The following MGAT4C variants were observed in gnomAD, a reference collection of about 807,000 sequenced individuals.
MGAT4C encodes alpha-1,3-mannosyl-glycoprotein 4-beta-N-acetylglucosaminyltransferase C.
A neutral mutation model predicts 40.1 loss-of-function variants in MGAT4C; 19 were observed. The observed-to-expected ratio is 0.47, with a 90% confidence interval of 0.33 to 0.70. The LOEUF (loss-of-function observed/expected upper bound fraction) is 0.70, where lower values mean the gene tolerates loss of function less well. Ranked by LOEUF, MGAT4C falls within the 30% of genes least tolerant of loss-of-function variation. The pLI is 0.02. For synonymous variants in MGAT4C, 181 were observed against 187.1 expected (o/e 0.97, Z 0.27); for missense variants, 491 against 563.2 (o/e 0.87, Z 1.30).
intron 2 of MGAT4C, among the ~76,000 whole-genome samples, chr12:86,711,579 G>A (rs1950557155): frequency 6.6e-6 from 1 of 151,926 alleles, no homozygotes; most frequent in South Asian, 2.1e-4. Flanking sequence ...TTTCTTTTAA[G>A]TAGTACAACT....
intron 1 of MGAT4C, among the ~76,000 whole-genome samples, chr12:86,731,404 A>G (rs969059530): frequency 6.6e-6 from 1 of 152,094 alleles, no homozygotes; most frequent in Non-Finnish European, 1.5e-5. Context: ...ATGTTAATCC[A>G]TATTTAAGAG....
rs187949625 is a variant in MGAT4C, at chr12:85,974,010, C to T, written c.*5279G>A. 1 of 150,982 alleles carries T rather than the reference C, an allele frequency of 6.6e-6. No individual in the cohort carries two copies. The highest frequency in any genetic ancestry group is 6.6e-5 in the Admixed American group (1 of 15,126). The allele number at this position is 150,982 out of a possible 1,614,324, so 9.4% of individuals were successfully genotyped here. A position where few individuals can be genotyped will look rare whatever the true frequency, so the allele number is the denominator to read the frequency against. The stretch of plus-strand genomic sequence containing the variant: ...ATTAATGAGGTGGAAGGGACTAGAA[C>T]TTTGGGAAAGTGCAACCTTGTTATC... On this transcript the variant is annotated 3_prime_UTR_variant, in exon 5 of 5. Transcript: ENST00000611864.
intron 2 of MGAT4C, among the ~76,000 whole-genome samples, chr12:86,507,804 A>G (rs1407071504): frequency 3.3e-5 from 5 of 152,150 alleles, no homozygotes; most frequent in Non-Finnish European, 5.9e-5. Flanking sequence ...AGTTTTAATT[A>G]TTCTAGTTTT....
chr12:86,823,388 T>C (rs904584600), intron 1 of MGAT4C, among the ~76,000 whole-genome samples: 9 of 151,244 alleles, frequency 6.0e-5, no homozygotes, highest in Admixed American at 1.3e-4. Context: ...TTTAAAAAGA[T>C]TTGCCAAATA....
chr12:86,013,973 T>A (rs1258820270), intron 2 of MGAT4C, among the ~76,000 whole-genome samples: 1 of 152,200 alleles, frequency 6.6e-6, no homozygotes. Context: ...ATGACTATTC[T>A]CTTTACCTAT....
At chr12:86,162,575 C>A (rs1885714998) in intron 1 of MGAT4C, among the ~76,000 whole-genome samples, 1 of 152,034 alleles carries the variant, frequency 6.6e-6, no homozygotes, top group African/African-American at 2.4e-5. Context: ...ATAATCCAAA[C>A]CTCAGCATCA....
chr12:86,542,805 C>A (rs996127225), intron 2 of MGAT4C, among the ~76,000 whole-genome samples: 1 of 152,188 alleles, frequency 6.6e-6, no homozygotes, highest in Non-Finnish European at 1.5e-5. Flanking sequence ...TGGCACAGGG[C>A]AAGCACATAA....
intron 1 of MGAT4C, among the ~76,000 whole-genome samples, chr12:86,103,140 A>G (rs1875434001): frequency 6.6e-6 from 1 of 152,114 alleles, no homozygotes; most frequent in Admixed American, 6.6e-5. Context: ...TGACTTAGAT[A>G]ATATAGGTCA....
intron 2 of MGAT4C, among the ~76,000 whole-genome samples, chr12:86,036,619 A>G (rs1392510053): frequency 6.7e-6 from 1 of 149,942 alleles, no homozygotes; most frequent in African/African-American, 2.4e-5. Context: ...GAGTATTTTG[A>G]AACAGCCTTG....
At chr12:86,226,467 T>C (rs1378911965) in intron 1 of MGAT4C, among the ~76,000 whole-genome samples, 3 of 151,942 alleles carry the variant, frequency 2.0e-5, no homozygotes, top group Non-Finnish European at 4.4e-5. Flanking sequence ...AACCCCCCAC[T>C]GGTAAAACTT....
chr12:86,546,206 T>G (rs1959192190), intron 2 of MGAT4C, among the ~76,000 whole-genome samples: 1 of 151,932 alleles, frequency 6.6e-6, no homozygotes, highest in African/African-American at 2.4e-5. Context: ...TCTTTCATAT[T>G]GTAGTATCAA....
chr12:86,262,041 C>A (rs1439692115), intron 4 of MGAT4C, among the ~76,000 whole-genome samples: 1 of 152,050 alleles, frequency 6.6e-6, no homozygotes, highest in Non-Finnish European at 1.5e-5. Flanking sequence ...AATATTAGAA[C>A]ACTAGGCATA....
At chr12:86,237,024 G>A (rs1398904886) in intron 1 of MGAT4C, among the ~76,000 whole-genome samples, 1 of 150,452 alleles carries the variant, frequency 6.6e-6, no homozygotes, top group Non-Finnish European at 1.5e-5. Flanking sequence ...ATATATATAT[G>A]TGTATTCCAT....
At chr12:86,584,533 A>T (rs1392211396) in intron 2 of MGAT4C, among the ~76,000 whole-genome samples, 2 of 151,196 alleles carry the variant, frequency 1.3e-5, no homozygotes, top group Admixed American at 6.6e-5. Context: ...TTGACTTACC[A>T]GAATTTAATA....
intron 2 of MGAT4C, among the ~76,000 whole-genome samples, chr12:85,993,031 C>CA (rs1490551562): frequency 2.0e-5 from 3 of 152,222 alleles, no homozygotes; most frequent in Non-Finnish European, 2.9e-5. Context: ...AGGCAGGTCC[C>CA]AGTCTCAACT....
chr12:86,792,444 CA>C (rs1436971894), intron 1 of MGAT4C, among the ~76,000 whole-genome samples: 1 of 152,068 alleles, frequency 6.6e-6, no homozygotes, highest in Non-Finnish European at 1.5e-5. Flanking sequence ...TGGATTTTAT[CA>C]GAAAAGAGAA....
chr12:86,824,775 G>GA (rs376130438), intron 1 of MGAT4C, among the ~76,000 whole-genome samples: 34 of 139,254 alleles, frequency 2.4e-4, no homozygotes, highest in African/African-American at 7.8e-4. Context: ...GAGAAGAAAA[G>GA]AAAAAATACA....
At chr12:86,522,315 G>GT (rs1958808795) in intron 2 of MGAT4C, among the ~76,000 whole-genome samples, 1 of 152,020 alleles carries the variant, frequency 6.6e-6, no homozygotes, top group Non-Finnish European at 1.5e-5. Context: ...AACATAAAGA[G>GT]TGTTGAAATT....
At chr12:86,422,400 A>T (rs956764789) in intron 3 of MGAT4C, among the ~76,000 whole-genome samples, 1 of 152,214 alleles carries the variant, frequency 6.6e-6, no homozygotes, top group South Asian at 2.1e-4. Context: ...TTACTCACAG[A>T]TCAGTTAAAA....
Sources: gnomAD v4.1 joint callset for allele counts (sites outside exome capture counted in the v4.1 genomes callset) on GRCh38, gnomAD v4.1.1 for gene constraint, MANE v1.5 for transcripts, NCBI Gene and HGNC (gene_info 2026-07-23, HGNC 2026-07-21) for gene names.